The following NUTM2E variants were observed in gnomAD, a reference collection of about 807,000 sequenced individuals.
NUTM2E encodes the protein NUT family member 2E.
In NUTM2E, 3 loss-of-function variants were observed where a neutral mutation model predicts 26.1. The ratio of observed to expected loss-of-function variants is 0.12; its 90% CI spans 0.05 to 0.30. The LOEUF (loss-of-function observed/expected upper bound fraction) is 0.30, where lower values mean the gene tolerates loss of function less well. Among genes scored for constraint, NUTM2E ranks in the 10% least tolerant of loss-of-function variants. The pLI is 1.00. For missense variants in NUTM2E, 62 were observed against 381.3 expected (o/e 0.16, Z 6.97); for synonymous variants, 13 against 157.5 (o/e 0.08, Z 6.87).
chr10:79,828,429 C>A (rs1487946873), intron 1 of NUTM2E, among the ~76,000 whole-genome samples: 1 of 151,886 alleles, frequency 6.6e-6, no homozygotes, highest in South Asian at 2.1e-4. Flanking sequence ...GGAAGGTTAA[C>A]AGCCCCCTTC....
chr10:79,831,944 C>G (rs1426180212), intron 1 of NUTM2E, among the ~76,000 whole-genome samples: 1 of 152,094 alleles, frequency 6.6e-6, no homozygotes, highest in Non-Finnish European at 1.5e-5. Flanking sequence ...GCTTGCACAT[C>G]CAGTGACTGA....
intron 1 of NUTM2E, among the ~76,000 whole-genome samples, chr10:79,833,420 C>T (rs1039443814): frequency 6.6e-6 from 1 of 150,860 alleles, no homozygotes; most frequent in Non-Finnish European, 1.5e-5. Context: ...TCAGAGTGAA[C>T]AGGCAACCTA....
chr10:79,830,981 G>GC, intron 1 of NUTM2E, among the ~76,000 whole-genome samples: 1 of 151,674 alleles, frequency 6.6e-6, no homozygotes, highest in East Asian at 1.9e-4. Context: ...TACCACGTAG[G>GC]CATCTCAGTG....
chr10:79,833,232 G>A (rs991507408), intron 1 of NUTM2E, among the ~76,000 whole-genome samples: 4 of 151,784 alleles, frequency 2.6e-5, no homozygotes, highest in East Asian at 1.9e-4. Context: ...GATTTAAAGC[G>A]TTACCATTAA....
Position 79,848,571 on chromosome 10 carries a change from A to G in NUTM2E, c.1410A>G (p.Arg470=), listed in dbSNP as rs382514. The G allele has an allele frequency of 0.49, 204,154 of 419,440 alleles. 96,146 individuals carry two copies. Among genetic ancestry groups the G allele is most frequent in the South Asian group, 0.66 (27,964 of 42,628 alleles). 26.0% of individuals were successfully genotyped at this position (419,440 alleles called of 1,614,324 possible). A position where few individuals can be genotyped will look rare whatever the true frequency, so the allele number is the denominator to read the frequency against. The part of the protein sequence containing the change: ...KAQTACLPPP[R]PQRPVTKARR... Reference sequence around the variant, plus strand: ...AGACTGCCTGCCTGCCACCACCCAGACCCCAGAGGCCAGTGACCAAGGCCC... The same window carrying G: ...AGACTGCCTGCCTGCCACCACCCAGGCCCCAGAGGCCAGTGACCAAGGCCC... The change falls in exon 8 of 10, where the codon AGA becomes AGG. Residue 470 remains arginine (R), a synonymous_variant. Coordinates refer to ENST00000429984, the MANE Select transcript of NUTM2E (RefSeq NM_001355263.2).
chr10:79,842,754 CA>C (rs1842003606), intron 4 of NUTM2E, among the ~76,000 whole-genome samples: 1 of 106,494 alleles, frequency 9.4e-6, no homozygotes, highest in African/African-American at 2.9e-5. Context: ...TTTGATTTAA[CA>C]GGGGTGGGGG....
At position 79,838,565 on chromosome 10, in the gene NUTM2E, T is replaced by TC. The variant is rs1233087591; in HGVS notation, c.-2465dup. Among the ~76,000 whole-genome samples, 25 of 148,054 alleles carry TC rather than the reference T, an allele frequency of 1.7e-4. No homozygotes were observed. The highest frequency in any genetic ancestry group is 6.2e-4 in the African/African-American group (25 of 40,458). On this transcript the variant is annotated 5_prime_UTR_variant, in exon 2 of 10. Coordinates refer to ENST00000429984, the MANE Select transcript of NUTM2E (RefSeq NM_001355263.2). ...GAGGTTCCCACTGCATTGTTACACC[T>TC]CCCCCCTCACTTCAGGGCCAGGTGA...
intron 3 of NUTM2E, among the ~76,000 whole-genome samples, 27 bp from the exon 4 acceptor site, chr10:79,839,601 C>T (rs1380943628): frequency 1.3e-5 from 2 of 151,770 alleles, no homozygotes; most frequent in Admixed American, 6.6e-5. Context: ...AAACTTTAAT[C>T]GTCACATCCT....
At chr10:79,828,402 G>T (rs1825109886) in intron 1 of NUTM2E, among the ~76,000 whole-genome samples, 1 of 151,868 alleles carries the variant, frequency 6.6e-6, no homozygotes, top group South Asian at 2.1e-4. Context: ...AGAATCCACT[G>T]AAGACCTACA....
intron 1 of NUTM2E, among the ~76,000 whole-genome samples, chr10:79,831,302 AACT>A (rs1352943198): frequency 1.3e-5 from 2 of 151,486 alleles, no homozygotes; most frequent in African/African-American, 2.4e-5. Context: ...AATTGAAGTA[AACT>A]ACTTAACAGT....
At chr10:79,835,903 C>A (rs199738533) in intron 1 of NUTM2E, among the ~76,000 whole-genome samples, 1 of 141,786 alleles carries the variant, frequency 7.1e-6, no homozygotes, top group Non-Finnish European at 1.5e-5. Flanking sequence ...TTTTGCCACA[C>A]GATTATGCTA....
chr10:79,839,632 C>A lies in NUTM2E; in HGVS notation c.-2109C>A, dbSNP rs1841986921. Among the ~76,000 whole-genome samples the A allele has an allele frequency of 6.6e-6, 1 of 151,802 alleles. No individual in the cohort carries two copies. Among genetic ancestry groups the A allele is most frequent in the Non-Finnish European group, 1.5e-5 (1 of 67,956 alleles). On this transcript the variant is annotated 5_prime_UTR_variant, in exon 4 of 10. Coordinates refer to ENST00000429984, the MANE Select transcript of NUTM2E (RefSeq NM_001355263.2). ...ATCCTTTCTGCTCATTTGCAGGATTCCTATCATCTGTCTCCACGTGATAAC... is the reference window on the plus strand; with the variant it reads ...ATCCTTTCTGCTCATTTGCAGGATTACTATCATCTGTCTCCACGTGATAAC...
chr10:79,839,177 A>G (rs1488145876), intron 3 of NUTM2E, among the ~76,000 whole-genome samples, 62 bp downstream of exon 3: 2 of 151,392 alleles, frequency 1.3e-5, no homozygotes, highest in Non-Finnish European at 3.0e-5. Flanking sequence ...TTACCTTTGG[A>G]GGGTTTATCC....
In NUTM2E at chr10:79,839,641, T is replaced by C. The variant is rs1841986986; in HGVS notation, c.-2100T>C. On this transcript the variant is annotated 5_prime_UTR_variant, in exon 4 of 10. Transcript: ENST00000429984. ...GCTCATTTGCAGGATTCCTATCATC[T>C]GTCTCCACGTGATAACACTGAAGAG... Among the ~76,000 whole-genome samples, 1 of 151,902 alleles carries C rather than the reference T, an allele frequency of 6.6e-6. No individual in the cohort carries two copies. Among genetic ancestry groups the C allele is most frequent in the Admixed American group, 6.6e-5 (1 of 15,222 alleles).
At position 79,839,759 on chromosome 10, in the gene NUTM2E, G is replaced by A. The variant is rs1458182611; in HGVS notation, c.-1982G>A. Among the ~76,000 whole-genome samples the A allele has an allele frequency of 2.0e-5, 3 of 150,752 alleles. No individual in the cohort carries two copies. ...AGCCGCCATTCCTCTACTGGGTGGA[G>A]GAGCATGTGTCCTCTGAACAGGGGA... On this transcript the variant is annotated 5_prime_UTR_variant, in exon 4 of 10. Transcript: ENST00000429984.
At chr10:79,833,782 C>T (rs1033188107) in intron 1 of NUTM2E, among the ~76,000 whole-genome samples, 1 of 151,714 alleles carries the variant, frequency 6.6e-6, no homozygotes, top group African/African-American at 2.4e-5. Flanking sequence ...ATTAGTTCAG[C>T]CATTGTGGAA....
intron 1 of NUTM2E, among the ~76,000 whole-genome samples, chr10:79,830,552 T>C (rs986053209): frequency 1.3e-5 from 2 of 151,786 alleles, no homozygotes; most frequent in South Asian, 2.1e-4. Context: ...TGTTCATGTA[T>C]AACCAATAAC....
intron 3 of NUTM2E, among the ~76,000 whole-genome samples, 38 bp downstream of exon 3, chr10:79,839,153 C>T (rs1422491027): frequency 1.3e-5 from 2 of 151,590 alleles, no homozygotes; most frequent in Admixed American, 6.6e-5. Context: ...TAGGTAACAC[C>T]CTTGCTGAAA....
intron 1 of NUTM2E, among the ~76,000 whole-genome samples, chr10:79,834,145 A>T (rs2341949): frequency 0.1 from 15,023 of 150,898 alleles, 1,075 homozygotes; most frequent in South Asian, 0.22. Context: ...CTCACTCAGA[A>T]GTGGGAGTTG....
Sources: gnomAD v4.1 joint callset for allele counts (sites outside exome capture counted in the v4.1 genomes callset) on GRCh38, gnomAD v4.1.1 for gene constraint, MANE v1.5 for transcripts, NCBI Gene and HGNC (gene_info 2026-07-23, HGNC 2026-07-21) for gene names.